The following CACNA2D2 variants were observed in gnomAD, a reference collection of about 807,000 sequenced individuals.
CACNA2D2 encodes the protein calcium voltage-gated channel auxiliary subunit alpha2delta 2, also known as voltage-dependent calcium channel subunit alpha-2/delta-2.
Under a neutral mutation model 166.4 loss-of-function variants are expected in CACNA2D2, and 48 were observed. That is an observed-to-expected ratio of 0.29 (90% CI 0.23 to 0.37). The LOEUF is 0.37. Ranked by LOEUF, CACNA2D2 falls within the 10% of genes least tolerant of loss-of-function variation. CACNA2D2 has a pLI of 1.00. For missense variants in CACNA2D2, 1,122 were observed against 1,433.0 expected, an observed-to-expected ratio of 0.78 and a Z score of 3.50; for synonymous variants, 561 against 573.7, an observed-to-expected ratio of 0.98 and a Z score of 0.32.
In CACNA2D2 at chr3:50,367,927, G is replaced by T; in HGVS notation, c.2144-25C>A. The T allele has an allele frequency of 7.0e-7, 1 of 1,428,398 alleles. No individual in the cohort carries two copies. The highest frequency in any genetic ancestry group is 9.8e-7 in the Non-Finnish European group (1 of 1,022,874). The allele number at this position is 1,428,398 out of a possible 1,614,324, so 88.5% of individuals were successfully genotyped here. On this transcript the variant is annotated intron_variant, in intron 24 of 37. Transcript: ENST00000424201. This position sits in a 1 kb window ranked among gnomAD's most constrained non-coding sequence, Gnocchi z 6.5. ...CCTGGAACAGGAGGGGAGGGGTGGG[G>T]GTGGGGGCATCTTCTTGCAGCTCCT...
intron 1 of CACNA2D2, among the ~76,000 whole-genome samples, chr3:50,500,537 G>A (rs993925475): frequency 6.6e-6 from 1 of 152,190 alleles, no homozygotes; most frequent in Non-Finnish European, 1.5e-5. Flanking sequence ...GGGAGGCAAA[G>A]CAGTGAGGGC....
In CACNA2D2 at chr3:50,373,196, T is replaced by C. The variant is rs587652057; in HGVS notation, c.1984+1541A>G. 1.2e-4 allele frequency: 108 copies of C among 879,876 alleles called. 2 individuals carry two copies. The South Asian group carries it at 1.6e-3, about 13-fold the overall frequency. 54.5% of individuals were successfully genotyped at this position (879,876 alleles called of 1,614,324 possible). ...GGGGCACAAACAATATTTTATTCAA[T>C]GGCTGTTTGAATGAAAATATTGTGT... On this transcript the variant is annotated intron_variant, in intron 22 of 37. Coordinates refer to ENST00000424201, the MANE Select transcript of CACNA2D2 (RefSeq NM_006030.4).
At chr3:50,495,594 AGATCATCAAGG>A (rs1698693447) in intron 1 of CACNA2D2, among the ~76,000 whole-genome samples, 1 of 152,260 alleles carries the variant, frequency 6.6e-6, no homozygotes, top group South Asian at 2.1e-4. Flanking sequence ...TCATCCCTCC[AGATCATCAAGG>A]GATCATCAAG....
chr3:50,443,766 T>G (rs1708715475), intron 2 of CACNA2D2, among the ~76,000 whole-genome samples: 1 of 152,212 alleles, frequency 6.6e-6, no homozygotes, highest in Non-Finnish European at 1.5e-5. Flanking sequence ...TCTTCGGATG[T>G]GTAAAATGGG....
intron 3 of CACNA2D2, among the ~76,000 whole-genome samples, chr3:50,418,674 T>TTC (rs1456059846): frequency 2.0e-5 from 3 of 152,216 alleles, no homozygotes; most frequent in Non-Finnish European, 4.4e-5. Context: ...TGGCCGCCTC[T>TTC]TCTCTGCGGC....
At chr3:50,429,791 A>T (rs1197927775) in intron 3 of CACNA2D2, among the ~76,000 whole-genome samples, 1 of 150,226 alleles carries the variant, frequency 6.7e-6, no homozygotes, top group Non-Finnish European at 1.5e-5. Flanking sequence ...AAAATCCCTG[A>T]ACTCTGAATC....
chr3:50,471,933 A>C (rs1325547585), intron 2 of CACNA2D2, among the ~76,000 whole-genome samples: 2 of 152,230 alleles, frequency 1.3e-5, no homozygotes, highest in Non-Finnish European at 2.9e-5. Context: ...ATTCCTGGCT[A>C]CCCATAAGAA....
rs1169768990 is a variant in CACNA2D2, at chr3:50,364,327, T to A, written c.*339A>T. Reference sequence around the variant, plus strand: ...AGCTGAGGCAGGGTCCCCCCCAACATAGGCAGCCTCCAGGAAGGGCGGCAG... The same window carrying A: ...AGCTGAGGCAGGGTCCCCCCCAACAAAGGCAGCCTCCAGGAAGGGCGGCAG... On this transcript the variant is annotated 3_prime_UTR_variant, in exon 38 of 38. Transcript: ENST00000424201. 6 of 303,992 alleles carry A rather than the reference T, an allele frequency of 2.0e-5. No individual in the cohort carries two copies. The highest frequency in any genetic ancestry group is 9.6e-5 in the Admixed American group (2 of 20,734). The allele number at this position is 303,992 out of a possible 1,614,324, so 18.8% of individuals were successfully genotyped here. A position where few individuals can be genotyped will look rare whatever the true frequency, so the allele number is the denominator to read the frequency against.
In CACNA2D2 at chr3:50,462,514, G is replaced by A. The variant is rs188121804; in HGVS notation, c.288+13604C>T. On this transcript the variant is annotated intron_variant, in intron 2 of 37. Coordinates refer to ENST00000424201, the MANE Select transcript of CACNA2D2 (RefSeq NM_006030.4). Reference sequence around the variant, plus strand: ...AAAAAATTGTATCCAAAAGTCTTCCGCAAGGCGCAGTTCTGAATTGCATTT... The same window carrying A: ...AAAAAATTGTATCCAAAAGTCTTCCACAAGGCGCAGTTCTGAATTGCATTT... Among the ~76,000 whole-genome samples, 16 of 151,968 alleles carry A rather than the reference G, an allele frequency of 1.1e-4. No homozygotes were observed. In the East Asian group the frequency reaches 1.5e-3, roughly 15 times the overall value.
chr3:50,467,017 G>A (rs958345409), intron 2 of CACNA2D2, among the ~76,000 whole-genome samples: 1 of 152,196 alleles, frequency 6.6e-6, no homozygotes, highest in African/African-American at 2.4e-5. Flanking sequence ...GGGGTGGGGG[G>A]AGTGAGGAGT....
At chr3:50,474,369 C>T (rs1188374795) in intron 2 of CACNA2D2, among the ~76,000 whole-genome samples, 1 of 152,192 alleles carries the variant, frequency 6.6e-6, no homozygotes, top group African/African-American at 2.4e-5. Context: ...CTTCATCCTC[C>T]GGTCAGACTT....
Position 50,372,893 on chromosome 3 carries a change from T to C in CACNA2D2, c.1984+1844A>G, listed in dbSNP as rs72934824. Among the ~76,000 whole-genome samples, 4,764 of 150,270 alleles carry C rather than the reference T, an allele frequency of 0.032. 252 individuals are homozygous for C. The highest frequency in any genetic ancestry group is 0.11 in the African/African-American group (4,508 of 40,848). On this transcript the variant is annotated intron_variant, in intron 22 of 37. Coordinates refer to ENST00000424201, the MANE Select transcript of CACNA2D2 (RefSeq NM_006030.4). ...CAGGGGCACAGGCCACTGGCTCTCA[T>C]AGGGGCTTAGGAATCAGAGGAAAGG... is the stretch of plus-strand genomic sequence containing the variant.
intron 2 of CACNA2D2, among the ~76,000 whole-genome samples, chr3:50,465,595 C>G (rs188084021): frequency 4.6e-5 from 7 of 152,316 alleles, no homozygotes; most frequent in South Asian, 4.1e-4. Flanking sequence ...ACACGGGCAG[C>G]TGCAATCACA....
At chr3:50,373,377 G>A (rs983194211) in intron 22 of CACNA2D2, among the ~76,000 whole-genome samples, 1 of 150,426 alleles carries the variant, frequency 6.6e-6, no homozygotes, top group Non-Finnish European at 1.5e-5. Flanking sequence ...GTGACCTCGG[G>A]CGTGGTGGGC....
intron 2 of CACNA2D2, among the ~76,000 whole-genome samples, chr3:50,462,716 T>C (rs1462606844): frequency 6.6e-6 from 1 of 151,968 alleles, no homozygotes; most frequent in Admixed American, 6.6e-5. Context: ...TTTAGAGATA[T>C]GGAGCTCAGA....
intron 1 of CACNA2D2, among the ~76,000 whole-genome samples, chr3:50,486,582 A>C (rs928211081): frequency 6.6e-6 from 1 of 152,140 alleles, no homozygotes; most frequent in Non-Finnish European, 1.5e-5. Context: ...GGAGAGGCCA[A>C]GCGAAGACAG....
chr3:50,471,708 C>T (rs1019592959), intron 2 of CACNA2D2, among the ~76,000 whole-genome samples: 5 of 150,790 alleles, frequency 3.3e-5, no homozygotes, highest in African/African-American at 1.2e-4. Flanking sequence ...TGCAGAGTGG[C>T]CCTGTCCCAC....
At chr3:50,480,237 G>C (rs1697987229) in intron 1 of CACNA2D2, among the ~76,000 whole-genome samples, 1 of 152,180 alleles carries the variant, frequency 6.6e-6, no homozygotes, top group Non-Finnish European at 1.5e-5. Flanking sequence ...AAGCCTCAGG[G>C]GAAAGGCACT....
At chr3:50,452,301 T>G (rs138722910) in intron 2 of CACNA2D2, among the ~76,000 whole-genome samples, 37 of 152,322 alleles carry the variant, frequency 2.4e-4, no homozygotes, top group Non-Finnish European at 4.9e-4. Flanking sequence ...ACAGGTGTGG[T>G]TCCCAAGAGT....
Sources: allele counts gnomAD v4.1 joint callset (sites outside exome capture counted in the v4.1 genomes callset), GRCh38; gene constraint gnomAD v4.1.1; non-coding constraint Gnocchi (gnomAD v3.1); transcripts MANE v1.5; gene names NCBI Gene and HGNC (gene_info 2026-07-23, HGNC 2026-07-21).